Variants in LRP5 observed in about 807,000 individuals in gnomAD.
LRP5 encodes low-density lipoprotein receptor-related protein 5.
In LRP5, 62 loss-of-function variants were observed where a neutral mutation model predicts 154.1. The observed-to-expected ratio is 0.40, with a 90% CI of 0.33 to 0.50. The LOEUF (loss-of-function observed/expected upper bound fraction) is 0.50, where lower values mean the gene tolerates loss of function less well. Ranked by LOEUF, LRP5 falls within the 20% of genes least tolerant of loss-of-function variation. The pLI is 0.55. For missense variants in LRP5, 1,915 were observed against 2,336.7 expected, an observed-to-expected ratio of 0.82 and a Z score of 3.72; for synonymous variants, 966 against 1,011.5, an observed-to-expected ratio of 0.96 and a Z score of 0.85.
intron 1 of LRP5, among the ~76,000 whole-genome samples, chr11:68,326,418 G>A (rs2098599709): frequency 6.6e-6 from 1 of 152,214 alleles, no homozygotes; most frequent in Admixed American, 6.5e-5. Context: ...CTGCATCAGC[G>A]CCTCCCCACT....
At position 68,436,930 on chromosome 11, in the gene LRP5, T is replaced by C. The variant is rs1184233559; in HGVS notation, c.4042T>C (p.Cys1348Arg). 2 of 1,613,796 alleles carry C rather than the reference T, an allele frequency of 1.2e-6. No homozygotes were observed. The highest frequency in any genetic ancestry group is 2.7e-5 in the African/African-American group (2 of 74,934). Residue 1348 changes from cysteine to arginine, a missense_variant, in exon 19 of 23, where the codon TGT becomes CGT. Around this residue, in one of 3 missense-constraint regions of LRP5, gnomAD observed 1,094 missense variants for 1,210.1 expected, o/e 0.90. Transcript: ENST00000294304. ...PNQFRCASGQ[C>R]VLIKQQCDSF... ...CCAGTTCCGGTGTGCGAGCGGCCAG[T>C]GTGTCCTCATCAAACAGCAGTGCGA...
intron 1 of LRP5, among the ~76,000 whole-genome samples, chr11:68,333,513 A>G (rs1403007186): frequency 6.6e-6 from 1 of 152,158 alleles, no homozygotes; most frequent in Non-Finnish European, 1.5e-5. Flanking sequence ...TGCTTTTTCA[A>G]GCATTTCCCC....
intron 6 of LRP5, among the ~76,000 whole-genome samples, chr11:68,388,095 A>G (rs1288464738): frequency 6.6e-6 from 1 of 152,082 alleles, no homozygotes; most frequent in Non-Finnish European, 1.5e-5. Flanking sequence ...GGGCTCGAGC[A>G]GCCATCCGTG....
chr11:68,328,434 G>A (rs1041065560), intron 1 of LRP5, among the ~76,000 whole-genome samples: 13 of 152,218 alleles, frequency 8.5e-5, no homozygotes, highest in African/African-American at 1.4e-4. Context: ...TCTAAAATGC[G>A]TTCTGAGCTC....
chr11:68,385,806 G>A (rs1313123326), intron 5 of LRP5, among the ~76,000 whole-genome samples: 3 of 152,092 alleles, frequency 2.0e-5, no homozygotes, highest in South Asian at 2.1e-4. Flanking sequence ...AGCCGCCCTC[G>A]GGTGGTGGAG....
intron 7 of LRP5, among the ~76,000 whole-genome samples, chr11:68,400,483 G>A (rs940598950): frequency 6.6e-6 from 1 of 152,178 alleles, no homozygotes; most frequent in Admixed American, 6.5e-5. Flanking sequence ...TACTTTGGGA[G>A]GCTGAGGCGG....
chr11:68,421,726 T>TGTGTG (rs2098665824), intron 13 of LRP5, among the ~76,000 whole-genome samples: 1 of 109,910 alleles, frequency 9.1e-6, no homozygotes, highest in Admixed American at 1.0e-4. Context: ...GTGTGTGTGG[T>TGTGTG]GTGTGTGTGG....
chr11:68,341,059 C>CTTT lies in LRP5; in HGVS notation c.92-6771_92-6769dup, dbSNP rs576462333. Among the ~76,000 whole-genome samples the CTTT allele has an allele frequency of 1.7e-4, 14 of 83,466 alleles. 1 individual carries two copies. Among genetic ancestry groups the CTTT allele is most frequent in the South Asian group, 1.1e-3 (3 of 2,782 alleles). The allele number at this position is 83,466 out of a possible 152,430, so 54.8% of individuals were successfully genotyped here. On this transcript the variant is annotated intron_variant, in intron 1 of 22. Transcript: ENST00000294304. ...GTTACCCCTGCCGCTGGAGATTGTTCTTTTTTTTTTTTTTTTTTTGCTATT... is the reference window on the plus strand; with the variant it reads ...GTTACCCCTGCCGCTGGAGATTGTTCTTTTTTTTTTTTTTTTTTTTTTGCTATT...
chr11:68,323,276 T>G (rs2098597783), intron 1 of LRP5, among the ~76,000 whole-genome samples: 1 of 151,458 alleles, frequency 6.6e-6, no homozygotes, highest in Non-Finnish European at 1.5e-5. Flanking sequence ...GCCTGGGTAA[T>G]TTTTGTATTT....
At chr11:68,309,345 G>A (rs2098586263), upstream of LRP5, among the ~76,000 whole-genome samples, 1 of 151,936 alleles carries the variant, frequency 6.6e-6, no homozygotes, top group Non-Finnish European at 1.5e-5. Context: ...CAACTCTCCT[G>A]CCTCAGCCTC....
chr11:68,427,960 AT>A (rs1285755224), intron 16 of LRP5, among the ~76,000 whole-genome samples: 3,253 of 82,102 alleles, frequency 0.04, 126 homozygotes, highest in African/African-American at 0.13. Context: ...ATTTTATTTT[AT>A]TTTATTTTAT....
intron 2 of LRP5, among the ~76,000 whole-genome samples, chr11:68,349,067 T>A (rs561142051): frequency 6.8e-6 from 1 of 145,996 alleles, no homozygotes; most frequent in East Asian, 2.0e-4. Context: ...GGAGTCTCCC[T>A]TGTTGCCCAG....
At chr11:68,404,349 A>G (rs1399845698) in intron 8 of LRP5, 3 of 527,370 alleles carry the variant, frequency 5.7e-6, no homozygotes, top group Admixed American at 2.2e-5. Context: ...CACTCAGTCA[A>G]TCTTTGCTGA....
intron 7 of LRP5, among the ~76,000 whole-genome samples, chr11:68,393,607 C>A (rs1006010094): frequency 6.6e-6 from 1 of 152,244 alleles, no homozygotes; most frequent in Admixed American, 6.5e-5. Flanking sequence ...ATGGTGTAAC[C>A]CCATCTCTAC....
At chr11:68,417,670 C>A (rs909251169) in intron 13 of LRP5, among the ~76,000 whole-genome samples, 16 of 151,906 alleles carry the variant, frequency 1.1e-4, no homozygotes, top group African/African-American at 3.6e-4. Context: ...CGCGGTGGCT[C>A]ACACCTGTAA....
chr11:68,380,692 G>A (rs1459376500), intron 5 of LRP5, among the ~76,000 whole-genome samples: 1 of 152,212 alleles, frequency 6.6e-6, no homozygotes, highest in Non-Finnish European at 1.5e-5. Context: ...CATGCAGTGG[G>A]GCCTCAGAAG....
chr11:68,417,216 A>G (rs1445639478), intron 13 of LRP5, among the ~76,000 whole-genome samples: 3 of 152,048 alleles, frequency 2.0e-5, no homozygotes, highest in East Asian at 1.9e-4. Context: ...TGGGAAATCA[A>G]ATGGAAAGTT....
intron 5 of LRP5, among the ~76,000 whole-genome samples, chr11:68,380,802 T>G (rs906237735): frequency 1.3e-5 from 2 of 152,218 alleles, no homozygotes; most frequent in African/African-American, 4.8e-5. Context: ...CTCTCTGGCC[T>G]CTGTGCAGTG....
intron 5 of LRP5, among the ~76,000 whole-genome samples, chr11:68,384,478 A>G (rs534985063): frequency 6.6e-6 from 1 of 152,270 alleles, no homozygotes; most frequent in South Asian, 2.1e-4. Flanking sequence ...GGCTCTGTGC[A>G]TCCTTGAGAC....
Sources: gnomAD v4.1 joint callset for allele counts (sites outside exome capture counted in the v4.1 genomes callset) on GRCh38, gnomAD v4.1.1 for gene constraint, gnomAD v4.1.1 regional missense constraint, MANE v1.5 for transcripts, NCBI Gene and HGNC (gene_info 2026-07-23, HGNC 2026-07-21) for gene names.